Variants in G2E3 observed in about 807,000 individuals in gnomAD.
G2E3 encodes G2/M-phase specific E3 ubiquitin protein ligase.
In G2E3, 35 loss-of-function variants were observed where a neutral mutation model predicts 92.8. That is an observed-to-expected ratio of 0.38 (90% CI 0.29 to 0.50). The LOEUF is 0.50. Ranked by LOEUF, G2E3 falls within the 20% of genes least tolerant of loss-of-function variation. G2E3 has a pLI of 0.94. For synonymous variants in G2E3, 242 were observed against 272.4 expected (o/e 0.89, Z 1.10); for missense variants, 554 against 823.8 (o/e 0.67, Z 4.01).
Position 30,616,306 on chromosome 14 carries a change from C to G in G2E3, c.1893C>G (p.Asp631Glu). ...EDGKSTTTME[D>E]ILIFATGCSS... is the part of the protein sequence containing the mutation. Reference sequence around the variant, plus strand: ...GTAAATCTACAACAACAATGGAAGACATTCTTATTTTTGCAACTGGTTGCA... The same window carrying G: ...GTAAATCTACAACAACAATGGAAGAGATTCTTATTTTTGCAACTGGTTGCA... Residue 631 changes from aspartate to glutamate, a missense_variant, in exon 15 of 15, where the codon GAC becomes GAG. Asp to Glu is a conservative substitution (Grantham distance 45). Coordinates refer to ENST00000206595, the MANE Select transcript of G2E3 (RefSeq NM_017769.5). The G allele has an allele frequency of 6.2e-7, 1 of 1,608,272 alleles. No individual in the cohort carries two copies.
At chr14:30,596,129 GGTGTGCGTGTGT>G (rs1881273760) in intron 6 of G2E3, among the ~76,000 whole-genome samples, 3 of 53,762 alleles carry the variant, frequency 5.6e-5, no homozygotes, top group Non-Finnish European at 1.4e-4. Context: ...TGGGTGGGTG[GGTGTGCGTGTGT>G]GTGTGTGTGT....
At chr14:30,577,285 T>G (rs1880167845) in intron 1 of G2E3, among the ~76,000 whole-genome samples, 1 of 152,038 alleles carries the variant, frequency 6.6e-6, no homozygotes, top group Non-Finnish European at 1.5e-5. Flanking sequence ...TGTTTATTTA[T>G]TCAAATGTTA....
rs1881810338 is a variant in G2E3 at position 30,605,869 on chromosome 14, T to C, written c.1318+57T>C. 5 of 875,654 alleles carry C rather than the reference T, an allele frequency of 5.7e-6. No individual in the cohort carries two copies. In the South Asian group the frequency reaches 9.9e-5, roughly 17 times the overall value. 54.2% of individuals were successfully genotyped at this position (875,654 alleles called of 1,614,324 possible). On this transcript the variant is annotated intron_variant, in intron 11 of 14. Coordinates refer to ENST00000206595, the MANE Select transcript of G2E3 (RefSeq NM_017769.5). Reference sequence around the variant, plus strand: ...AATATCACATGTATAGAAAAAGAGATAGATAGCTGGTTAGAATTGATATTT... The same window carrying C: ...AATATCACATGTATAGAAAAAGAGACAGATAGCTGGTTAGAATTGATATTT...
chr14:30,606,579 G>A (rs1037393319), intron 11 of G2E3, among the ~76,000 whole-genome samples: 3 of 152,064 alleles, frequency 2.0e-5, no homozygotes, highest in Non-Finnish European at 4.4e-5. Context: ...ACTCAAGGCA[G>A]CTTTGGTATG....
intron 5 of G2E3, 30 bp downstream of exon 5, chr14:30,592,477 T>G (rs1046988091): frequency 4.6e-6 from 7 of 1,513,348 alleles, no homozygotes; most frequent in Non-Finnish European, 6.2e-6. Flanking sequence ...AATATGAAAG[T>G]TCAGTGTTAA....
intron 8 of G2E3, among the ~76,000 whole-genome samples, 176 bp downstream of exon 8, chr14:30,598,775 T>C (rs1881415615): frequency 6.6e-6 from 1 of 152,234 alleles, no homozygotes; most frequent in Non-Finnish European, 1.5e-5. Flanking sequence ...ATTTTTGCAG[T>C]TAGTATAGTT....
At chr14:30,565,148 G>T (rs1163205096) in intron 1 of G2E3, among the ~76,000 whole-genome samples, 1 of 152,056 alleles carries the variant, frequency 6.6e-6, no homozygotes, top group Non-Finnish European at 1.5e-5. Flanking sequence ...ATTTTAGTTT[G>T]TAAAAATTAT....
chr14:30,568,142 G>A (rs1022204491), intron 1 of G2E3, among the ~76,000 whole-genome samples: 1 of 152,024 alleles, frequency 6.6e-6, no homozygotes, highest in African/African-American at 2.4e-5. Flanking sequence ...TTGATGGATT[G>A]AACTTTTTAG....
At chr14:30,609,641 TTA>T (rs1881996189) in intron 12 of G2E3, among the ~76,000 whole-genome samples, 1 of 152,228 alleles carries the variant, frequency 6.6e-6, no homozygotes, top group Admixed American at 6.5e-5. Context: ...CCCCGGACTT[TTA>T]TATACAGATA....
Position 30,615,434 on chromosome 14 carries a change from C to T in G2E3, c.1759C>T (p.Pro587Ser). 3.7e-6 allele frequency: 6 copies of T among 1,610,340 alleles called. No individual in the cohort carries two copies. Among genetic ancestry groups the T allele is most frequent in the Non-Finnish European group, 5.1e-6 (6 of 1,176,882 alleles). The change falls in exon 14 of 15, where the codon CCT becomes TCT. Residue 587 changes from proline (P) to serine (S), a missense_variant. By Grantham distance (74) the Pro-to-Ser change is moderately conservative (BLOSUM62 -1). This residue lies in a region of G2E3 where 397 missense variants were observed against 560.3 expected (regional missense o/e 0.71). Transcript: ENST00000206595. ...EAFCSILCHK[P>S]ESLSAKILSE... is the part of the protein sequence containing the mutation. ...ATTTTGTAGCATCCTGTGTCATAAACCTGAGAGTCTTTCTGCAAAAATCCT... is the reference window on the plus strand; with the variant it reads ...ATTTTGTAGCATCCTGTGTCATAAATCTGAGAGTCTTTCTGCAAAAATCCT...
At chr14:30,566,183 T>C (rs1879426546) in intron 1 of G2E3, among the ~76,000 whole-genome samples, 1 of 152,200 alleles carries the variant, frequency 6.6e-6, no homozygotes, top group Non-Finnish European at 1.5e-5. Context: ...AAGTTTGGAA[T>C]TGGAAAATTT....
Position 30,618,897 on chromosome 14 carries a change from A to T in G2E3, c.*2363A>T, listed in dbSNP as rs1413253687. On this transcript the variant is annotated 3_prime_UTR_variant, in exon 15 of 15. Transcript: ENST00000206595. Reference sequence around the variant, plus strand: ...AAAAAGAATTATGCTATAAATCTTTATAAATGTGTACATATATTTCTTAAA... The same window carrying T: ...AAAAAGAATTATGCTATAAATCTTTTTAAATGTGTACATATATTTCTTAAA... 1 of 152,082 alleles carries T rather than the reference A, an allele frequency of 6.6e-6. No individual in the cohort carries two copies. Among genetic ancestry groups the T allele is most frequent in the African/African-American group, 2.4e-5 (1 of 41,452 alleles). 9.4% of individuals were successfully genotyped at this position (152,082 alleles called of 1,614,324 possible). A position where few individuals can be genotyped will look rare whatever the true frequency, so the allele number is the denominator to read the frequency against.
chr14:30,593,708 A>G (rs1249841637), intron 6 of G2E3, 69 bp downstream of exon 6: 2 of 1,101,792 alleles, frequency 1.8e-6, no homozygotes, highest in East Asian at 4.8e-5. Context: ...TAAATTTTAA[A>G]TTAGAAAGAA....
At position 30,593,523 on chromosome 14, in the gene G2E3, T is replaced by G. The variant is rs758234085; in HGVS notation, c.412T>G (p.Tyr138Asp). The G allele has an allele frequency of 6.4e-7, 1 of 1,562,252 alleles. No homozygotes were observed. The change falls in exon 6 of 15, where the codon TAT becomes GAT. Residue 138 changes from tyrosine to aspartate, a missense_variant. Around this residue, in one of 3 missense-constraint regions of G2E3, gnomAD observed 137 missense variants for 201.3 expected, o/e 0.68. Transcript: ENST00000206595. Reference sequence around the variant, plus strand: ...TGTTCAAATAATTACATCTAATAATTATAGAGAGTCCTTACCATGCACCAT... The same window carrying G: ...TGTTCAAATAATTACATCTAATAATGATAGAGAGTCCTTACCATGCACCAT... ...RPVQIITSNN[Y>D]RESLPCTICL...
At chr14:30,583,457 T>C (rs76069579) in intron 2 of G2E3, among the ~76,000 whole-genome samples, 2,554 of 152,246 alleles carry the variant, frequency 0.017, 92 homozygotes, top group African/African-American at 0.058. Context: ...ATCTCCCTTA[T>C]GTGTGGAATA....
intron 1 of G2E3, among the ~76,000 whole-genome samples, chr14:30,572,323 T>C (rs1879815734): frequency 6.6e-6 from 1 of 152,190 alleles, no homozygotes; most frequent in Admixed American, 6.5e-5. Flanking sequence ...GAGTACACTG[T>C]TGAATCAGAG....
At chr14:30,612,442 T>C (rs899442584) in intron 13 of G2E3, 63 bp downstream of exon 13, 2 of 1,002,746 alleles carry the variant, frequency 2.0e-6, no homozygotes, top group East Asian at 5.0e-5. Context: ...TTAATTATCT[T>C]GTAATGTGAG....
At position 30,605,841 on chromosome 14, in the gene G2E3, C is replaced by T. The variant is rs1049071668; in HGVS notation, c.1318+29C>T. 3.5e-6 allele frequency: 4 copies of T among 1,152,174 alleles called. No individual in the cohort carries two copies. In the African/African-American group the frequency reaches 6.2e-5, roughly 18 times the overall value. The allele number at this position is 1,152,174 out of a possible 1,614,324, so 71.4% of individuals were successfully genotyped here. A position where few individuals can be genotyped will look rare whatever the true frequency, so the allele number is the denominator to read the frequency against. ...ATTATTTTATTTATTGTTGTATATA[C>T]CAAATATCACATGTATAGAAAAAGA... On this transcript the variant is annotated intron_variant, in intron 11 of 14. Coordinates refer to ENST00000206595, the MANE Select transcript of G2E3 (RefSeq NM_017769.5).
chr14:30,599,374 C>T (rs1881451013), intron 8 of G2E3, among the ~76,000 whole-genome samples: 1 of 152,138 alleles, frequency 6.6e-6, no homozygotes, highest in African/African-American at 2.4e-5. Flanking sequence ...ATTACAGGCG[C>T]ATGCCACCAT....
Sources: allele counts gnomAD v4.1 joint callset (sites outside exome capture counted in the v4.1 genomes callset), GRCh38; gene constraint gnomAD v4.1.1; regional missense constraint gnomAD v4.1.1; transcripts MANE v1.5; gene names NCBI Gene and HGNC (gene_info 2026-07-23, HGNC 2026-07-21).